Variants in GPAT3 observed in about 807,000 individuals in gnomAD.
GPAT3 encodes 1-AGP acyltransferase 9.
A neutral mutation model predicts 58.8 loss-of-function variants in GPAT3; 53 were observed. That is an observed-to-expected ratio of 0.90 (90% CI 0.72 to 1.13). The LOEUF (loss-of-function observed/expected upper bound fraction) is 1.13, where lower values mean the gene tolerates loss of function less well. Among genes scored for constraint, GPAT3 ranks in the 50% most tolerant of loss-of-function variants. GPAT3 has a pLI of 0.00. For synonymous variants in GPAT3, 197 were observed against 187.4 expected, an observed-to-expected ratio of 1.05 and a Z score of -0.42; for missense variants, 511 against 527.6, an observed-to-expected ratio of 0.97 and a Z score of 0.31.
Position 83,579,379 on chromosome 4 carries a change from A to G in GPAT3, c.209-2183A>G, listed in dbSNP as rs146962130. On this transcript the variant is annotated intron_variant, in intron 2 of 11. Coordinates refer to ENST00000264409, the MANE Select transcript of GPAT3 (RefSeq NM_032717.5). ...ATGATCATGGCTCACTGCAGCCTCCATCTTCTGGGCTCAAGTGATCCCCCT... is the reference window on the plus strand; with the variant it reads ...ATGATCATGGCTCACTGCAGCCTCCGTCTTCTGGGCTCAAGTGATCCCCCT... Among the ~76,000 whole-genome samples, 354 of 143,132 alleles carry G rather than the reference A, an allele frequency of 2.5e-3. 3 individuals are homozygous for G. The highest frequency in any genetic ancestry group is 4.3e-3 in the Non-Finnish European group (288 of 66,614). 93.9% of individuals were successfully genotyped at this position (143,132 alleles called of 152,430 possible). A position where few individuals can be genotyped will look rare whatever the true frequency, so the allele number is the denominator to read the frequency against.
chr4:83,547,610 C>T (rs1231944409), intron 2 of GPAT3, among the ~76,000 whole-genome samples: 2 of 151,966 alleles, frequency 1.3e-5, no homozygotes, highest in Non-Finnish European at 1.5e-5. Context: ...TTTCAAGTCT[C>T]CCTTCCCAGT....
chr4:83,586,478 TGA>T (rs1726379619), intron 3 of GPAT3, among the ~76,000 whole-genome samples: 1 of 152,222 alleles, frequency 6.6e-6, no homozygotes, highest in African/African-American at 2.4e-5. Context: ...TGGTTTGATT[TGA>T]GAGAGTAATG....
Position 83,581,095 on chromosome 4 carries a change from CAAAAAAA to C in GPAT3, c.209-447_209-441del, listed in dbSNP as rs35894737. On this transcript the variant is annotated intron_variant, in intron 2 of 11. Coordinates refer to ENST00000264409, the MANE Select transcript of GPAT3 (RefSeq NM_032717.5). ...TGGGTGACGGAGCAAGACTCCGTCT[CAAAAAAA>C]AAAAAAAAAAAAAAAAAAATCAACT... Among the ~76,000 whole-genome samples the C allele has an allele frequency of 3.9e-3, 274 of 70,258 alleles. 2 individuals carry two copies. The highest frequency in any genetic ancestry group is 0.027 in the South Asian group (61 of 2,300). 46.1% of individuals were successfully genotyped at this position (70,258 alleles called of 152,430 possible). A position where few individuals can be genotyped will look rare whatever the true frequency, so the allele number is the denominator to read the frequency against.
At chr4:83,543,746 C>T (rs892354561) in intron 1 of GPAT3, among the ~76,000 whole-genome samples, 4 of 152,016 alleles carry the variant, frequency 2.6e-5, no homozygotes, top group Non-Finnish European at 5.9e-5. Flanking sequence ...CTGGTTCAAG[C>T]AATTCTGTTT....
intron 2 of GPAT3, among the ~76,000 whole-genome samples, chr4:83,563,264 G>A (rs1211848352): frequency 1.3e-5 from 2 of 151,990 alleles, no homozygotes; most frequent in Non-Finnish European, 2.9e-5. Flanking sequence ...TTTTAAAAAC[G>A]TTTTAATTTT....
chr4:83,594,770 T>G, intron 6 of GPAT3, 75 bp from the exon 7 acceptor site: 1 of 1,170,082 alleles, frequency 8.5e-7, no homozygotes, highest in Middle Eastern at 2.0e-4. Context: ...AGAATAGAAA[T>G]TTGTTGGTAC....
Position 83,598,050 on chromosome 4 carries a change from G to T in GPAT3, c.997-1G>T. ...CTGAGATGTATTTTCTTTTTTCTCA[G>T]TATAACCCTCAGTTCGGTGATGCAT... On this transcript the variant is annotated splice_acceptor_variant, in intron 9 of 11. Transcript: ENST00000264409. LOFTEE classifies it high-confidence loss of function. 6.2e-7 allele frequency: 1 copy of T among 1,612,986 alleles called. No individual in the cohort carries two copies. The highest frequency in any genetic ancestry group is 8.5e-7 in the Non-Finnish European group (1 of 1,179,648).
chr4:83,583,921 A>T (rs1726266751), intron 3 of GPAT3, among the ~76,000 whole-genome samples: 1 of 151,786 alleles, frequency 6.6e-6, no homozygotes. Context: ...GGTTGCAGTG[A>T]GACACTGTAT....
Position 83,594,838 on chromosome 4 carries a change from C to T in GPAT3, c.739-7C>T, listed in dbSNP as rs1726753707. The T allele has an allele frequency of 1.2e-6, 2 of 1,612,558 alleles. No individual in the cohort carries two copies. The highest frequency in any genetic ancestry group is 8.5e-7 in the Non-Finnish European group (1 of 1,179,052). On this transcript the variant is annotated splice_region_variant and splice_polypyrimidine_tract_variant and intron_variant, in intron 6 of 11. Coordinates refer to ENST00000264409, the MANE Select transcript of GPAT3 (RefSeq NM_032717.5). ...TACGTTTTTTCCTTTTCTTATGCTACTTCTAGGTTGGCCAGGTTCATGGCG... is the reference window on the plus strand; with the variant it reads ...TACGTTTTTTCCTTTTCTTATGCTATTTCTAGGTTGGCCAGGTTCATGGCG...
intron 1 of GPAT3, among the ~76,000 whole-genome samples, chr4:83,540,507 CTATT>C (rs1312948225): frequency 6.6e-6 from 1 of 152,012 alleles, no homozygotes; most frequent in African/African-American, 2.4e-5. Context: ...AGAGAAATAG[CTATT>C]TATGGGGAGA....
chr4:83,593,565 C>A (rs935586911), intron 6 of GPAT3, among the ~76,000 whole-genome samples: 2 of 152,078 alleles, frequency 1.3e-5, no homozygotes, highest in Non-Finnish European at 2.9e-5. Flanking sequence ...TTGTATCTCC[C>A]ATTTTCATAA....
At chr4:83,540,878 T>C (rs868379283) in intron 1 of GPAT3, among the ~76,000 whole-genome samples, 4 of 151,714 alleles carry the variant, frequency 2.6e-5, no homozygotes, top group South Asian at 2.1e-4. Context: ...TCAATAGAGA[T>C]GGGGTTTCAC....
chr4:83,551,816 C>CTATCTATCTATT (rs907211227), intron 2 of GPAT3, among the ~76,000 whole-genome samples: 5 of 121,560 alleles, frequency 4.1e-5, no homozygotes, highest in African/African-American at 1.8e-4. Context: ...AAAAAAAAAT[C>CTATCTATCTATT]TATCTATCTA....
At chr4:83,560,969 G>A (rs1469797154) in intron 2 of GPAT3, among the ~76,000 whole-genome samples, 1 of 152,098 alleles carries the variant, frequency 6.6e-6, no homozygotes, top group Admixed American at 6.6e-5. Context: ...AGACCCGTGA[G>A]ACAATTAAAC....
At chr4:83,590,469 G>C (rs1336304181) in intron 6 of GPAT3, among the ~76,000 whole-genome samples, 177 bp downstream of exon 6, 1 of 152,196 alleles carries the variant, frequency 6.6e-6, no homozygotes, top group African/African-American at 2.4e-5. Flanking sequence ...GCAAGAAAAG[G>C]AAGGAAAATA....
intron 2 of GPAT3, among the ~76,000 whole-genome samples, chr4:83,567,607 T>A (rs773086870): frequency 6.6e-6 from 1 of 152,130 alleles, no homozygotes. Flanking sequence ...TCTCCTTCCC[T>A]TGTCAGTTTA....
chr4:83,573,259 C>T (rs1725668003), intron 2 of GPAT3, among the ~76,000 whole-genome samples: 1 of 152,160 alleles, frequency 6.6e-6, no homozygotes, highest in South Asian at 2.1e-4. Context: ...CTACCTCAGC[C>T]TCCTGAGTAG....
intron 9 of GPAT3, 98 bp from the exon 10 acceptor site, chr4:83,597,953 G>A (rs1444703357): frequency 4.3e-6 from 6 of 1,390,632 alleles, no homozygotes; most frequent in Non-Finnish European, 5.9e-6. Flanking sequence ...TTTTCTTAGA[G>A]TCTGATAAAG....
chr4:83,551,621 G>T (rs1724753498), intron 2 of GPAT3, among the ~76,000 whole-genome samples: 1 of 151,784 alleles, frequency 6.6e-6, no homozygotes, highest in Non-Finnish European at 1.5e-5. Context: ...GTGAAACCCG[G>T]TCTCTACTAA....
Sources: allele counts gnomAD v4.1 joint callset (sites outside exome capture counted in the v4.1 genomes callset), GRCh38; gene constraint gnomAD v4.1.1; transcripts MANE v1.5; gene names NCBI Gene and HGNC (gene_info 2026-07-23, HGNC 2026-07-21).